MYH16: variants seen among roughly 807,000 people sequenced by gnomAD.
The protein encoded by MYH16 is putative uncharacterized protein MYH16.
intron 2 of MYH16, among the ~76,000 whole-genome samples, chr7:99,245,806 G>A (rs1028766784): frequency 1.3e-5 from 2 of 152,170 alleles, no homozygotes; most frequent in African/African-American, 4.8e-5. Context: ...GATTACAGGT[G>A]TAAGCCACTG....
intron 24 of MYH16, 75 bp from the exon 7 acceptor site, chr7:99,283,798 C>T (rs12530653): frequency 0.029 from 12,621 of 432,484 alleles, 239 homozygotes; most frequent in South Asian, 0.046. Context: ...AGGATCGGAC[C>T]CAGTCTGGTT....
intron 36 of MYH16, 85 bp downstream of exon 17, chr7:99,298,080 G>C: frequency 4.7e-6 from 2 of 427,732 alleles, no homozygotes; most frequent in Admixed American, 2.6e-5. Context: ...CCACCTACTA[G>C]TCGCGTGACG....
intron 2 of MYH16, among the ~76,000 whole-genome samples, chr7:99,246,663 T>C (rs145379635): frequency 0.018 from 2,658 of 151,348 alleles, 36 homozygotes; most frequent in Middle Eastern, 0.051. Context: ...GATGGCACCA[T>C]TGCACTCCAG....
chr7:99,287,828 C>T (rs1470396192), intron 28 of MYH16, 64 bp from the exon 10 acceptor site: 3 of 427,640 alleles, frequency 7.0e-6, no homozygotes, highest in South Asian at 1.6e-5. Flanking sequence ...AGCAGCTGGG[C>T]GGTGTCCACC....
In MYH16 at chr7:99,274,128, T is replaced by C. The variant is rs529570109; in HGVS notation, n.2485+705T>C. Among the ~76,000 whole-genome samples, 34 of 152,314 alleles carry C rather than the reference T, an allele frequency of 2.2e-4. No individual in the cohort carries two copies. In the East Asian group the frequency reaches 5.6e-3, roughly 25 times the overall value. ...CCTCAGGAAATGATAAGGTCCGACCTCTCATTTCCTGTTCTTCCGAAACAG... is the reference window on the plus strand; with the variant it reads ...CCTCAGGAAATGATAAGGTCCGACCCCTCATTTCCTGTTCTTCCGAAACAG... On this transcript the variant is annotated intron_variant and non_coding_transcript_variant, in intron 20 of 41. Transcript: ENST00000439784.
At chr7:99,267,947 C>G (rs550596595) in intron 18 of MYH16, among the ~76,000 whole-genome samples, 1 of 152,340 alleles carries the variant, frequency 6.6e-6, no homozygotes, top group African/African-American at 2.4e-5. Context: ...TCTCCAAGTT[C>G]TCACGCATGA....
At chr7:99,307,541 A>G (rs537562217), downstream of MYH16, among the ~76,000 whole-genome samples, 24 of 152,180 alleles carry the variant, frequency 1.6e-4, 1 homozygote, top group African/African-American at 4.3e-4. Context: ...TGGGCAACAC[A>G]GTGAAACCCT....
chr7:99,266,696 T>C (rs1267489811), intron 17 of MYH16, among the ~76,000 whole-genome samples: 1 of 152,242 alleles, frequency 6.6e-6, no homozygotes, highest in Non-Finnish European at 1.5e-5. Context: ...CAAAGCCTCC[T>C]ATTGATCTCA....
chr7:99,275,152 C>A (rs1237645736), intron 20 of MYH16, among the ~76,000 whole-genome samples: 2 of 151,970 alleles, frequency 1.3e-5, no homozygotes, highest in Non-Finnish European at 2.9e-5. Flanking sequence ...TGCCACCATG[C>A]CCAGCTAATT....
chr7:99,245,930 A>G (rs1791723635), intron 2 of MYH16, among the ~76,000 whole-genome samples: 1 of 151,988 alleles, frequency 6.6e-6, no homozygotes, highest in Non-Finnish European at 1.5e-5. Flanking sequence ...GGCTGGGCGC[A>G]GTGGCTCATG....
intron 2 of MYH16, among the ~76,000 whole-genome samples, chr7:99,244,914 C>T (rs1432798980): frequency 6.6e-6 from 1 of 152,208 alleles, no homozygotes; most frequent in Non-Finnish European, 1.5e-5. Flanking sequence ...CAAGGGACTG[C>T]AGGCTTTGTG....
chr7:99,254,654 C>T (rs1200946836), intron 8 of MYH16, among the ~76,000 whole-genome samples: 9 of 152,176 alleles, frequency 5.9e-5, no homozygotes, highest in Admixed American at 3.3e-4. Flanking sequence ...CAACTGTCCA[C>T]GGCAGACCTG....
In MYH16 at chr7:99,299,677, G is replaced by C. The variant is rs1031930446; in HGVS notation, n.4933+19G>C. On this transcript the variant is annotated intron_variant and non_coding_transcript_variant, in intron 37 of 41. Coordinates refer to ENST00000439784, the Ensembl canonical transcript of MYH16. ...AATCAAGGTAGCGATCTGGGAGGAGGAGAAATGAGATACAAGGCACACCAT... is the reference window on the plus strand; with the variant it reads ...AATCAAGGTAGCGATCTGGGAGGAGCAGAAATGAGATACAAGGCACACCAT... 4.6e-5 allele frequency: 7 copies of C among 153,358 alleles called. No homozygotes were observed. Among genetic ancestry groups the C allele is most frequent in the African/African-American group, 1.7e-4 (7 of 41,434 alleles). 9.5% of individuals were successfully genotyped at this position (153,358 alleles called of 1,614,324 possible).
intron 33 of MYH16, among the ~76,000 whole-genome samples, chr7:99,294,500 C>CAAAAAAAAAAA (rs1159682450): frequency 4.3e-4 from 11 of 25,564 alleles, no homozygotes; most frequent in East Asian, 1.7e-3. Context: ...GACCCTGTCT[C>CAAAAAAAAAAA]AAAAAAAAAA....
exon 32 of MYH16, chr7:99,292,350 G>A (rs1266639394): frequency 8.8e-6 from 4 of 456,834 alleles, no homozygotes; most frequent in Non-Finnish European, 1.8e-5. Flanking sequence ...CCAACACCAA[G>A]CACGACCTGG....
At position 99,294,016 on chromosome 7, in the gene MYH16, A is replaced by T. The variant is rs1348140667; in HGVS notation, n.4150-2A>T. ...GACAGCCCCTCTGGCCCTCATTTGC[A>T]GGAGGAAGCTGGCCGCCAGGCTTCA... On this transcript the variant is annotated splice_acceptor_variant and non_coding_transcript_variant, in intron 32 of 41. Transcript: ENST00000439784. The T allele has an allele frequency of 4.4e-6, 2 of 451,070 alleles. No homozygotes were observed. Among genetic ancestry groups the T allele is most frequent in the African/African-American group, 2.0e-5 (1 of 49,656 alleles). The allele number at this position is 451,070 out of a possible 1,614,324, so 27.9% of individuals were successfully genotyped here.
intron 14 of MYH16, among the ~76,000 whole-genome samples, chr7:99,264,091 G>A (rs1202334530): frequency 1.3e-5 from 2 of 152,166 alleles, no homozygotes; most frequent in South Asian, 2.1e-4. Context: ...ATCACTCCCC[G>A]GTAGATCTCA....
intron 37 of MYH16, among the ~76,000 whole-genome samples, chr7:99,301,298 T>C (rs991889680): frequency 6.6e-6 from 1 of 151,488 alleles, no homozygotes; most frequent in African/African-American, 2.4e-5. Flanking sequence ...CAGAGGTCAC[T>C]GGGAAGGCCT....
intron 32 of MYH16, 83 bp downstream of exon 13, chr7:99,292,591 G>A (rs938818335): frequency 7.0e-6 from 3 of 429,764 alleles, no homozygotes; most frequent in African/African-American, 2.0e-5. Flanking sequence ...AGTCACTGCT[G>A]AGGCCAGGGC....
Sources: allele counts gnomAD v4.1 joint callset (sites outside exome capture counted in the v4.1 genomes callset), GRCh38; gene constraint gnomAD v4.1.1; transcripts MANE v1.5; gene names NCBI Gene and HGNC (gene_info 2026-07-23, HGNC 2026-07-21).